The following PLCH1 variants were observed in gnomAD, a reference collection of about 807,000 sequenced individuals.
PLCH1 encodes phospholipase C eta 1.
Under a neutral mutation model 126.7 loss-of-function variants are expected in PLCH1, and 60 were observed. The observed-to-expected ratio is 0.47, with a 90% confidence interval of 0.38 to 0.59. The LOEUF is 0.59. PLCH1 is among the 20% of genes least tolerant of loss of function. The pLI is 0.00. For synonymous variants in PLCH1, 719 were observed against 734.9 expected (o/e 0.98, Z 0.35); for missense variants, 1,723 against 2,040.0 (o/e 0.84, Z 2.99).
chr3:155,706,938 T>C (rs1746722365), intron 1 of PLCH1, among the ~76,000 whole-genome samples: 1 of 152,170 alleles, frequency 6.6e-6, no homozygotes, highest in African/African-American at 2.4e-5. Flanking sequence ...CTATATTGAA[T>C]GTTTGTGTCT....
intron 1 of PLCH1, among the ~76,000 whole-genome samples, chr3:155,728,542 A>G (rs1559967636): frequency 6.6e-6 from 1 of 152,178 alleles, no homozygotes. Context: ...CTAGGATTTG[A>G]ACTCAAAAAA....
chr3:155,482,146 T>C lies in PLCH1; in HGVS notation c.3880A>G (p.Ser1294Gly). ...GTATTAGGGGATCCAGGCAGGTTGC[T>C]TTCTAAGGCCGCTGTCTTGGCCTTA... Reference protein sequence around the residue: ...SSKAKTAALESNLPGSPNTSR... With the variant: ...SSKAKTAALEGNLPGSPNTSR... The change falls in exon 23 of 23, where the codon AGC becomes GGC. Residue 1294 changes from serine (S) to glycine (G), a missense_variant. Ser to Gly is a moderately conservative substitution (Grantham distance 56). Coordinates refer to ENST00000460012, the MANE Select transcript of PLCH1 (RefSeq NM_014996.4). 3.1e-6 allele frequency: 5 copies of C among 1,614,202 alleles called. No homozygotes were observed. The highest frequency in any genetic ancestry group is 4.2e-6 in the Non-Finnish European group (5 of 1,180,020).
chr3:155,501,838 C>T (rs1717949122), intron 13 of PLCH1, among the ~76,000 whole-genome samples: 1 of 152,008 alleles, frequency 6.6e-6, no homozygotes, highest in South Asian at 2.1e-4. Flanking sequence ...GAAGGACCAC[C>T]CCAATAATTG....
At chr3:155,523,873 A>T in intron 11 of PLCH1, 24 bp downstream of exon 11, 1 of 1,357,702 alleles carries the variant, frequency 7.4e-7, no homozygotes, top group Non-Finnish European at 1.0e-6. Flanking sequence ...AAGGATAAAA[A>T]ATATGGTCAT....
chr3:155,576,860 T>A (rs1730029343), intron 6 of PLCH1, among the ~76,000 whole-genome samples: 1 of 152,228 alleles, frequency 6.6e-6, no homozygotes, highest in Non-Finnish European at 1.5e-5. Flanking sequence ...CAACAATTTT[T>A]AAATACAGAG....
chr3:155,454,185 A>G (rs897057286), intron 21 of PLCH1, among the ~76,000 whole-genome samples: 3 of 152,174 alleles, frequency 2.0e-5, no homozygotes, highest in Non-Finnish European at 4.4e-5. Context: ...TCTGATGTAC[A>G]CAGAAGCCAA....
At chr3:155,584,915 T>C (rs914910714) in intron 5 of PLCH1, among the ~76,000 whole-genome samples, 2 of 152,116 alleles carry the variant, frequency 1.3e-5, no homozygotes, top group African/African-American at 4.8e-5. Flanking sequence ...TCAGCTCCTG[T>C]GCAAATGAAC....
chr3:155,481,699 C>T lies in PLCH1; in HGVS notation c.4327G>A (p.Asp1443Asn), dbSNP rs1560042182. 6.2e-7 allele frequency: 1 copy of T among 1,614,148 alleles called. No individual in the cohort carries two copies. Among genetic ancestry groups the T allele is most frequent in the Non-Finnish European group, 8.5e-7 (1 of 1,180,034 alleles). Residue 1443 changes from aspartate (D) to asparagine (N), a missense_variant, in exon 23 of 23, where the codon GAT (aspartate) becomes AAT (asparagine). By Grantham distance (23) the Asp-to-Asn change is conservative (BLOSUM62 1). Transcript: ENST00000460012. This position sits in a 1 kb window ranked among gnomAD's most constrained non-coding sequence, Gnocchi z 4.2. ...ACACAGGTCTGGAACATTTTTGCAT[C>T]TGAATCTGAGAAATGATTATGCACA... ...GFVHNHFSDS[D>N]AKMFQTCVPQ...
intron 21 of PLCH1, among the ~76,000 whole-genome samples, chr3:155,464,617 G>A (rs1337031150): frequency 6.6e-6 from 1 of 152,058 alleles, no homozygotes; most frequent in Non-Finnish European, 1.5e-5. Context: ...TCTTGATTGA[G>A]ACCTCACTTG....
intron 2 of PLCH1, among the ~76,000 whole-genome samples, chr3:155,667,902 TTAAAAAA>T (rs1411767641): frequency 4.2e-5 from 4 of 95,156 alleles, no homozygotes; most frequent in East Asian, 3.0e-4. Context: ...CCATCTCTAC[TTAAAAAA>T]AAAAAAAAAA....
chr3:155,477,795 G>A (rs767481828), downstream of PLCH1, among the ~76,000 whole-genome samples: 47 of 152,120 alleles, frequency 3.1e-4, no homozygotes, highest in Non-Finnish European at 5.4e-4. Flanking sequence ...TACACTGTTG[G>A]TGGGAATATA....
Position 155,586,092 on chromosome 3 carries a change from G to A in PLCH1, c.573C>T (p.Pro191=). Residue 191 remains proline (P), a synonymous_variant, in exon 5 of 23, where the codon CCC becomes CCT. Coordinates refer to ENST00000460012, the MANE Select transcript of PLCH1 (RefSeq NM_014996.4). ...GAAACATTTGTCTGACTTTTCTTCG[G>A]GGCAGATTAACATTCAGTTTATGCA... ...QLMHKLNVNL[P]RRKVRQMFQE... is the part of the protein sequence containing the mutation. 1 of 1,613,864 alleles carries A rather than the reference G, an allele frequency of 6.2e-7. No individual in the cohort carries two copies. The highest frequency in any genetic ancestry group is 1.1e-5 in the South Asian group (1 of 91,068).
chr3:155,702,030 A>G (rs1011757784), intron 2 of PLCH1, among the ~76,000 whole-genome samples: 2 of 152,218 alleles, frequency 1.3e-5, no homozygotes, highest in African/African-American at 4.8e-5. Flanking sequence ...AATCCTTTCG[A>G]AAGAGTAATT....
At chr3:155,738,291 A>G (rs1469081967) in intron 1 of PLCH1, among the ~76,000 whole-genome samples, 1 of 152,156 alleles carries the variant, frequency 6.6e-6, no homozygotes, top group Non-Finnish European at 1.5e-5. Flanking sequence ...GTCAGGTACT[A>G]GGGAAGAAAG....
chr3:155,688,452 AAC>A (rs1745118716), intron 2 of PLCH1, among the ~76,000 whole-genome samples: 1 of 152,350 alleles, frequency 6.6e-6, no homozygotes. Context: ...AAGATGGCAG[AAC>A]AGAAGCCTAC....
chr3:155,598,523 A>G (rs1733289126), intron 2 of PLCH1, among the ~76,000 whole-genome samples: 1 of 152,242 alleles, frequency 6.6e-6, no homozygotes, highest in African/African-American at 2.4e-5. Context: ...AGACTATTTC[A>G]TAAGGTGAAG....
At chr3:155,500,977 T>TA (rs1396593907) in intron 13 of PLCH1, among the ~76,000 whole-genome samples, 183 bp from the exon 14 acceptor site, 1 of 152,210 alleles carries the variant, frequency 6.6e-6, no homozygotes, top group Middle Eastern at 3.2e-3. Context: ...ATAATTATAT[T>TA]AAAATATTAA....
rs1560128167 is a variant in PLCH1 at position 155,537,201 on chromosome 3, C to CAAAAA, written c.1362+12585_1362+12586insTTTTT. Among the ~76,000 whole-genome samples the CAAAAA allele has an allele frequency of 6.8e-5, 9 of 132,108 alleles. 1 individual carries two copies. Among genetic ancestry groups the CAAAAA allele is most frequent in the African/African-American group, 2.7e-4 (9 of 33,510 alleles). 86.7% of individuals were successfully genotyped at this position (132,108 alleles called of 152,430 possible). A position where few individuals can be genotyped will look rare whatever the true frequency, so the allele number is the denominator to read the frequency against. On this transcript the variant is annotated intron_variant, in intron 10 of 22. Coordinates refer to ENST00000460012, the MANE Select transcript of PLCH1 (RefSeq NM_014996.4). ...GCTAGCACTACAAAAAAAAAAAAAA[C>CAAAAA]CAAAAAAAAAAAAAAAAAAAAAAAA...
intron 2 of PLCH1, among the ~76,000 whole-genome samples, chr3:155,626,398 C>T (rs1207338156): frequency 6.6e-6 from 1 of 152,046 alleles, no homozygotes; most frequent in Non-Finnish European, 1.5e-5. Context: ...ATAACTAACT[C>T]GGTCCTCCTA....
Sources: allele counts gnomAD v4.1 joint callset (sites outside exome capture counted in the v4.1 genomes callset), GRCh38; gene constraint gnomAD v4.1.1; non-coding constraint Gnocchi (gnomAD v3.1); transcripts MANE v1.5; gene names NCBI Gene and HGNC (gene_info 2026-07-23, HGNC 2026-07-21).